The following ADGRL3 variants were observed in gnomAD, a reference collection of about 807,000 sequenced individuals.
ADGRL3 encodes the protein adhesion G protein-coupled receptor L3.
A neutral mutation model predicts 153.5 loss-of-function variants in ADGRL3; 62 were observed. The observed-to-expected ratio is 0.40, with a 90% CI of 0.33 to 0.50. The LOEUF is 0.50. Among genes scored for constraint, ADGRL3 ranks in the 20% least tolerant of loss-of-function variants. The pLI, the probability that ADGRL3 is intolerant of heterozygous loss-of-function variation, is 0.47. For missense variants in ADGRL3, 1,641 were observed against 1,859.4 expected, an observed-to-expected ratio of 0.88 and a Z score of 2.16; for synonymous variants, 710 against 672.5, an observed-to-expected ratio of 1.06 and a Z score of -0.86.
intron 24 of ADGRL3, among the ~76,000 whole-genome samples, chr4:62,041,471 A>T (rs1376491514): frequency 6.6e-6 from 1 of 152,086 alleles, no homozygotes; most frequent in Non-Finnish European, 1.5e-5. Context: ...AAATATGTAT[A>T]TGAAATATTG....
chr4:61,323,334 C>T (rs2095401872), intron 1 of ADGRL3, among the ~76,000 whole-genome samples: 1 of 152,170 alleles, frequency 6.6e-6, no homozygotes, highest in South Asian at 2.1e-4. Flanking sequence ...TGGTGATTAA[C>T]ATTCGGCTCC....
chr4:61,232,172 G>A (rs570677590), intron 1 of ADGRL3, among the ~76,000 whole-genome samples: 2 of 152,054 alleles, frequency 1.3e-5, no homozygotes, highest in African/African-American at 4.8e-5. Context: ...AAGAGTAAAT[G>A]ATCAAATTTT....
rs55879235 is a variant in ADGRL3, at chr4:61,903,650, C to CAAAAAAAAA, written c.1888-5885_1888-5877dup. 6.3e-3 allele frequency among the ~76,000 whole-genome samples: 455 copies of CAAAAAAAAA among 72,360 alleles called. 8 individuals are homozygous for CAAAAAAAAA. The highest frequency in any genetic ancestry group is 0.016 in the Middle Eastern group (1 of 64). 47.5% of individuals were successfully genotyped at this position (72,360 alleles called of 152,430 possible). A position where few individuals can be genotyped will look rare whatever the true frequency, so the allele number is the denominator to read the frequency against. ...TGCTGCACTCCAGCTTGGGAAACAG[C>CAAAAAAAAA]AAAAAAAAAAAAAAAAAAAAAAAAA... On this transcript the variant is annotated intron_variant, in intron 11 of 26. Transcript: ENST00000683033.
intron 22 of ADGRL3, 94 bp downstream of exon 22, chr4:62,028,975 T>G (rs1261046093): frequency 9.0e-7 from 1 of 1,116,606 alleles, no homozygotes; most frequent in African/African-American, 1.6e-5. Context: ...TTAGAGCTTC[T>G]GTCATTCACG....
At chr4:61,622,617 C>A (rs2149858764) in intron 5 of ADGRL3, among the ~76,000 whole-genome samples, 1 of 152,142 alleles carries the variant, frequency 6.6e-6, no homozygotes, top group African/African-American at 2.4e-5. Context: ...GAACAGTTAA[C>A]ATTTGTGAAA....
intron 6 of ADGRL3, among the ~76,000 whole-genome samples, chr4:61,725,295 G>C (rs2096309212): frequency 6.6e-6 from 1 of 152,062 alleles, no homozygotes; most frequent in African/African-American, 2.4e-5. Flanking sequence ...GAAAAGTTGG[G>C]GTAATGAGAA....
chr4:61,893,043 TTTCC>T, intron 10 of ADGRL3, 85 bp downstream of exon 10: 1 of 791,602 alleles, frequency 1.3e-6, no homozygotes, highest in Non-Finnish European at 1.8e-6. Flanking sequence ...TCCTTCCTCC[TTTCC>T]TCCCTCCCTC....
rs77340512 is a variant in ADGRL3, at chr4:61,864,934, T to G, written c.1481-27722T>G. 0.019 allele frequency among the ~76,000 whole-genome samples: 2,865 copies of G among 152,244 alleles called. 162 individuals are homozygous for G. In the East Asian group the frequency reaches 0.22, roughly 12 times the overall value. ...TCACTTAATTGTATTTTGTTGTTGT[T>G]TTGTTTGAGGGACATACACTATCAC... is the stretch of plus-strand genomic sequence containing the variant. On this transcript the variant is annotated intron_variant, in intron 9 of 26. Transcript: ENST00000683033.
intron 2 of ADGRL3, among the ~76,000 whole-genome samples, chr4:61,397,207 A>G (rs2096878572): frequency 6.6e-6 from 1 of 151,900 alleles, no homozygotes; most frequent in African/African-American, 2.4e-5. Context: ...TTGCAGATTA[A>G]CATTGCCTCT....
At chr4:61,757,991 A>G (rs1026070173) in intron 8 of ADGRL3, among the ~76,000 whole-genome samples, 1 of 152,054 alleles carries the variant, frequency 6.6e-6, no homozygotes, top group Non-Finnish European at 1.5e-5. Flanking sequence ...AGAGACAGTT[A>G]GTTATAATTT....
chr4:61,551,270 C>G (rs1039940755), intron 4 of ADGRL3, among the ~76,000 whole-genome samples: 1 of 151,994 alleles, frequency 6.6e-6, no homozygotes, highest in Non-Finnish European at 1.5e-5. Context: ...AAGGTGTTAT[C>G]AAATGCATAG....
intron 21 of ADGRL3, among the ~76,000 whole-genome samples, chr4:62,000,385 T>G (rs2099135935): frequency 6.6e-6 from 1 of 152,070 alleles, no homozygotes; most frequent in South Asian, 2.1e-4. Context: ...GTTTGTATAA[T>G]GTTCATATGT....
chr4:61,284,947 T>C (rs1227129601), intron 1 of ADGRL3, among the ~76,000 whole-genome samples: 3 of 151,768 alleles, frequency 2.0e-5, no homozygotes, highest in Non-Finnish European at 4.4e-5. Context: ...CTTTGTTTTT[T>C]CATGTATGTT....
At chr4:61,811,655 A>C (rs1250056655) in intron 8 of ADGRL3, among the ~76,000 whole-genome samples, 1 of 152,172 alleles carries the variant, frequency 6.6e-6, no homozygotes, top group Non-Finnish European at 1.5e-5. Context: ...TAATTCAGAT[A>C]TATATACATA....
At chr4:61,484,582 TA>T (rs2098168762) in intron 2 of ADGRL3, among the ~76,000 whole-genome samples, 1 of 152,170 alleles carries the variant, frequency 6.6e-6, no homozygotes, top group South Asian at 2.1e-4. Context: ...AGCCAAATAT[TA>T]AACATTATCA....
At chr4:62,064,780 T>C (rs1362799181) in intron 25 of ADGRL3, among the ~76,000 whole-genome samples, 1 of 151,992 alleles carries the variant, frequency 6.6e-6, no homozygotes, top group African/African-American at 2.4e-5. Context: ...AACAAGGCCA[T>C]TGTGTGTCTA....
intron 2 of ADGRL3, among the ~76,000 whole-genome samples, chr4:61,450,799 A>T (rs2097664399): frequency 6.6e-6 from 1 of 152,136 alleles, no homozygotes; most frequent in African/African-American, 2.4e-5. Context: ...CCATAATAAG[A>T]TATATTTGAG....
At chr4:61,749,637 T>C (rs1053327696) in intron 8 of ADGRL3, among the ~76,000 whole-genome samples, 2 of 151,938 alleles carry the variant, frequency 1.3e-5, no homozygotes, top group Non-Finnish European at 2.9e-5. Flanking sequence ...CATATTCTCA[T>C]TCATAGGTGG....
At chr4:61,706,870 T>C (rs2095866407) in intron 6 of ADGRL3, among the ~76,000 whole-genome samples, 1 of 152,230 alleles carries the variant, frequency 6.6e-6, no homozygotes, top group African/African-American at 2.4e-5. Flanking sequence ...CATTTACAAC[T>C]TGGCTAACCA....
Sources: allele counts gnomAD v4.1 joint callset (sites outside exome capture counted in the v4.1 genomes callset), GRCh38; gene constraint gnomAD v4.1.1; transcripts MANE v1.5; gene names NCBI Gene and HGNC (gene_info 2026-07-23, HGNC 2026-07-21).